Variants in PID1 observed in about 807,000 individuals in gnomAD.
PID1 encodes the protein PTB-containing, cubilin and LRP1-interacting protein.
A neutral mutation model predicts 19.1 loss-of-function variants in PID1; 10 were observed. That is an observed-to-expected ratio of 0.52 (90% CI 0.32 to 0.89). PID1 has a LOEUF of 0.89. Among genes scored for constraint, PID1 ranks in the 40% least tolerant of loss-of-function variants. PID1 has a pLI of 0.03. For missense variants in PID1, 248 were observed against 285.3 expected (o/e 0.87, Z 0.94); for synonymous variants, 130 against 116.0 (o/e 1.12, Z -0.78).
rs1689955778 is a variant in PID1 at position 229,139,146 on chromosome 2, A to AG, written c.177+16671_177+16672insC. ...GAAAGAAAGAAAGAAAGAAAGAAAG[A>AG]AAGCAAGCGAGCGAGCAAGCGAGCT... On this transcript the variant is annotated intron_variant, in intron 2 of 2. Transcript: ENST00000392055. Among the ~76,000 whole-genome samples the AG allele has an allele frequency of 5.5e-5, 6 of 108,974 alleles. 1 individual carries two copies. Among genetic ancestry groups the AG allele is most frequent in the African/African-American group, 2.2e-4 (6 of 27,176 alleles). 71.5% of individuals were successfully genotyped at this position (108,974 alleles called of 152,430 possible). A position where few individuals can be genotyped will look rare whatever the true frequency, so the allele number is the denominator to read the frequency against.
intron 1 of PID1, among the ~76,000 whole-genome samples, chr2:229,232,960 G>A (rs1056769526): frequency 6.6e-6 from 1 of 152,008 alleles, no homozygotes; most frequent in Non-Finnish European, 1.5e-5. Context: ...TGTTTCTCAA[G>A]TCTGCTTTTC....
intron 1 of PID1, among the ~76,000 whole-genome samples, chr2:229,165,628 A>G (rs1199504591): frequency 6.6e-6 from 1 of 152,134 alleles, no homozygotes; most frequent in African/African-American, 2.4e-5. Context: ...AAAATGGAAG[A>G]AAATAAAATC....
intron 2 of PID1, among the ~76,000 whole-genome samples, chr2:229,030,587 T>TTATCTC (rs35091936): frequency 4.6e-5 from 7 of 151,450 alleles, no homozygotes; most frequent in African/African-American, 1.7e-4. Context: ...AAGGCACACT[T>TTATCTC]TCTCTCTCTC....
At chr2:229,196,653 C>T (rs915914676) in intron 1 of PID1, among the ~76,000 whole-genome samples, 2 of 152,040 alleles carry the variant, frequency 1.3e-5, no homozygotes, top group African/African-American at 4.8e-5. Context: ...AAACTGCCTG[C>T]AGGGAATGCA....
At chr2:229,160,196 G>A (rs1690463607) in intron 1 of PID1, among the ~76,000 whole-genome samples, 1 of 152,158 alleles carries the variant, frequency 6.6e-6, no homozygotes, top group Non-Finnish European at 1.5e-5. Context: ...CAACCACACT[G>A]CCTGGAAGTT....
intron 1 of PID1, among the ~76,000 whole-genome samples, chr2:229,209,797 A>G (rs1247760730): frequency 6.6e-6 from 1 of 152,154 alleles, no homozygotes; most frequent in Non-Finnish European, 1.5e-5. Context: ...AATGCTAAGT[A>G]TAATAGTCCC....
At chr2:229,247,487 C>A (rs566552594) in intron 1 of PID1, among the ~76,000 whole-genome samples, 2 of 152,136 alleles carry the variant, frequency 1.3e-5, no homozygotes, top group South Asian at 4.1e-4. Context: ...GTAGGACTAG[C>A]GCAAGTGAAC....
chr2:229,140,790 T>C (rs1689995722), intron 2 of PID1, among the ~76,000 whole-genome samples: 1 of 152,160 alleles, frequency 6.6e-6, no homozygotes, highest in Non-Finnish European at 1.5e-5. Flanking sequence ...AAAATAGTCA[T>C]AATAAACCCT....
intron 2 of PID1, among the ~76,000 whole-genome samples, chr2:229,095,015 T>C (rs913174543): frequency 6.6e-6 from 1 of 152,144 alleles, no homozygotes; most frequent in Non-Finnish European, 1.5e-5. Context: ...CCATTCTACA[T>C]ACGAAGACAA....
At chr2:229,139,241 C>A (rs1689962662) in intron 2 of PID1, among the ~76,000 whole-genome samples, 1 of 152,102 alleles carries the variant, frequency 6.6e-6, no homozygotes, top group Non-Finnish European at 1.5e-5. Context: ...GGGCACTTAA[C>A]CTGTCTTTAG....
intron 1 of PID1, among the ~76,000 whole-genome samples, chr2:229,213,228 A>G (rs1375882689): frequency 1.3e-5 from 2 of 152,122 alleles, no homozygotes; most frequent in African/African-American, 4.8e-5. Context: ...ATTCATGAGA[A>G]TTAAGTTAGA....
chr2:229,193,035 T>C (rs1431170419), intron 1 of PID1, among the ~76,000 whole-genome samples: 1 of 152,200 alleles, frequency 6.6e-6, no homozygotes, highest in African/African-American at 2.4e-5. Context: ...TATTGTATAA[T>C]AAATTACTCC....
At chr2:229,129,399 G>C (rs1377859875) in intron 2 of PID1, among the ~76,000 whole-genome samples, 1 of 136,662 alleles carries the variant, frequency 7.3e-6, no homozygotes, top group Non-Finnish European at 1.5e-5. Context: ...GGGCAACAGA[G>C]CAAGACTCCA....
intron 1 of PID1, among the ~76,000 whole-genome samples, chr2:229,242,424 C>T (rs1441510370): frequency 6.6e-6 from 1 of 151,686 alleles, no homozygotes; most frequent in African/African-American, 2.4e-5. Flanking sequence ...ATCCCACTGC[C>T]ACCTGAAATA....
At chr2:229,256,521 G>A (rs1449089183) in intron 1 of PID1, among the ~76,000 whole-genome samples, 1 of 152,168 alleles carries the variant, frequency 6.6e-6, no homozygotes, top group Non-Finnish European at 1.5e-5. Flanking sequence ...AACTCCCAGG[G>A]CACTGGCATC....
chr2:229,036,310 C>T (rs953491978), intron 2 of PID1, among the ~76,000 whole-genome samples: 1 of 152,196 alleles, frequency 6.6e-6, no homozygotes, highest in African/African-American at 2.4e-5. Context: ...CTCAGCCCTA[C>T]AGGCTTCTGT....
Position 229,042,964 on chromosome 2 carries a change from A to G in PID1, c.178-16856T>C, listed in dbSNP as rs139869768. Among the ~76,000 whole-genome samples, 454 of 151,356 alleles carry G rather than the reference A, an allele frequency of 3.0e-3. 6 individuals carry two copies. Among genetic ancestry groups the G allele is most frequent in the Admixed American group, 0.023 (342 of 15,148 alleles). On this transcript the variant is annotated intron_variant, in intron 2 of 2. Transcript: ENST00000392055. ...TTTTAATTTTTTTTGAGAGAGAGAG[A>G]GAAAGGGGGTAGCGCAGAAAGAGAG... is the stretch of plus-strand genomic sequence containing the variant.
chr2:229,073,613 C>T (rs957205441), intron 2 of PID1, among the ~76,000 whole-genome samples: 1 of 152,110 alleles, frequency 6.6e-6, no homozygotes, highest in African/African-American at 2.4e-5. Context: ...TGTAAATATT[C>T]AGTAGGAAGT....
chr2:229,097,708 T>C (rs7589888), intron 2 of PID1, among the ~76,000 whole-genome samples: 93,097 of 151,940 alleles, frequency 0.61, 31,525 homozygotes, highest in Non-Finnish European at 0.76. Context: ...TCACTATTTC[T>C]CTTGTAAGTG....
Sources: gnomAD v4.1 joint callset for allele counts (sites outside exome capture counted in the v4.1 genomes callset) on GRCh38, gnomAD v4.1.1 for gene constraint, MANE v1.5 for transcripts, NCBI Gene and HGNC (gene_info 2026-07-23, HGNC 2026-07-21) for gene names.